RDH8: variants seen among roughly 807,000 people sequenced by gnomAD.
The protein encoded by RDH8 is retinol dehydrogenase 8.
In RDH8, 14 loss-of-function variants were observed where a neutral mutation model predicts 22.3. The ratio of observed to expected loss-of-function variants is 0.63; its 90% CI spans 0.42 to 0.98. The LOEUF is 0.98. Among genes scored for constraint, RDH8 ranks in the 50% least tolerant of loss-of-function variants. The pLI, the probability that RDH8 is intolerant of heterozygous loss-of-function variation, is 0.00. For missense variants in RDH8, 389 were observed against 409.8 expected (o/e 0.95, Z 0.44); for synonymous variants, 175 against 171.7 (o/e 1.02, Z -0.15).
rs759885173 is a variant in RDH8 at position 10,020,751 on chromosome 19, T to A, written c.485T>A (p.Leu162Gln). The A allele has an allele frequency of 2.5e-6, 4 of 1,611,582 alleles. No homozygotes were observed. Among genetic ancestry groups the A allele is most frequent in the Non-Finnish European group, 3.4e-6 (4 of 1,178,824 alleles). The part of the protein sequence containing the change: ...NDVYAASKFA[L>Q]EGFFESLAIQ... The stretch of plus-strand genomic sequence containing the variant: ...GTCTATGCAGCTTCCAAGTTCGCCC[T>A]GGAGGGATTCTTCGAAAGCCTCGCT... Residue 162 changes from leucine (L) to glutamine (Q), a missense_variant, in exon 4 of 6, where the codon CTG (leucine) becomes CAG (glutamine). By Grantham distance (113) the Leu-to-Gln change is moderately radical. Coordinates refer to ENST00000591589, the MANE Select transcript of RDH8 (RefSeq NM_015725.4).
At chr19:10,019,910 G>A (rs897791478) in intron 3 of RDH8, among the ~76,000 whole-genome samples, 9 of 152,272 alleles carry the variant, frequency 5.9e-5, no homozygotes, top group South Asian at 2.1e-4. Flanking sequence ...GGAGGCTGAG[G>A]CTGATGGATC....
At position 10,017,097 on chromosome 19, in the gene RDH8, G is replaced by A; in HGVS notation, c.144G>A (p.Leu48=). ...TMRDLGKKET[L]EAAAGEALGQ... ...GGGACCTGGGGAAGAAGGAGACACT[G>A]GAGGCAGCTGCTGGGGAGGCTCTGG... The change falls in exon 2 of 6, where the codon CTG becomes CTA. Residue 48 remains leucine, a synonymous_variant. Transcript: ENST00000591589. The A allele has an allele frequency of 6.2e-7, 1 of 1,601,746 alleles. No homozygotes were observed. Among genetic ancestry groups the A allele is most frequent in the Non-Finnish European group, 8.5e-7 (1 of 1,171,970 alleles).
intron 1 of RDH8, among the ~76,000 whole-genome samples, chr19:10,016,459 G>A (rs186831651): frequency 2.2e-4 from 32 of 145,308 alleles, no homozygotes; most frequent in Admixed American, 9.0e-4. Context: ...CAGGCCGCCC[G>A]GCCTTATTTT....
At position 10,021,913 on chromosome 19, in the gene RDH8, G is replaced by A; in HGVS notation, c.*164G>A. The A allele has an allele frequency of 1.3e-6, 1 of 743,812 alleles. No homozygotes were observed. Among genetic ancestry groups the A allele is most frequent in the African/African-American group, 1.8e-5 (1 of 56,504 alleles). The allele number at this position is 743,812 out of a possible 1,614,324, so 46.1% of individuals were successfully genotyped here. A position where few individuals can be genotyped will look rare whatever the true frequency, so the allele number is the denominator to read the frequency against. The stretch of plus-strand genomic sequence containing the variant: ...AATCCCAGAAGGGCCTTTATTTTCA[G>A]GCATAGACTCCTCTGTGGTCACAGC... On this transcript the variant is annotated 3_prime_UTR_variant, in exon 6 of 6. Coordinates refer to ENST00000591589, the MANE Select transcript of RDH8 (RefSeq NM_015725.4).
At chr19:10,015,361 A>G (rs1014926375) in intron 1 of RDH8, among the ~76,000 whole-genome samples, 2 of 151,674 alleles carry the variant, frequency 1.3e-5, no homozygotes, top group African/African-American at 4.8e-5. Flanking sequence ...GCTGAGGCAG[A>G]AGAATGGCGT....
rs780822165 is a variant in RDH8 at position 10,020,666 on chromosome 19, C to T, written c.443-43C>T. The T allele has an allele frequency of 5.8e-6, 8 of 1,379,394 alleles. No homozygotes were observed. In the Admixed American group the frequency reaches 1.3e-4, roughly 22 times the overall value. 85.4% of individuals were successfully genotyped at this position (1,379,394 alleles called of 1,614,324 possible). A position where few individuals can be genotyped will look rare whatever the true frequency, so the allele number is the denominator to read the frequency against. ...TCACCCTGGAACCCACAAAGCCCAC[C>T]TCCCAGACCCTCAAAGAGCTCTCCT... On this transcript the variant is annotated intron_variant, in intron 3 of 5. Transcript: ENST00000591589.
rs756555048 is a variant in RDH8 at position 10,021,528 on chromosome 19, C to G, written c.721-6C>G. On this transcript the variant is annotated splice_region_variant and splice_polypyrimidine_tract_variant and intron_variant, in intron 5 of 5. Coordinates refer to ENST00000591589, the MANE Select transcript of RDH8 (RefSeq NM_015725.4). ...GGTCCCAGCGCTCAGGGCCTCCATT[C>G]TGCAGGCCATTGTCAACGTCATCAG... 6.2e-7 allele frequency: 1 copy of G among 1,614,054 alleles called. No individual in the cohort carries two copies.
At chr19:10,015,468 A>C (rs2087605064) in intron 1 of RDH8, among the ~76,000 whole-genome samples, 1 of 151,998 alleles carries the variant, frequency 6.6e-6, no homozygotes, top group Admixed American at 6.6e-5. Flanking sequence ...ATAAATAAAT[A>C]AATATACAAA....
intron 2 of RDH8, 85 bp from the exon 3 acceptor site, chr19:10,018,645 CG>C (rs1448584214): frequency 1.8e-6 from 2 of 1,093,236 alleles, no homozygotes; most frequent in Non-Finnish European, 2.6e-6. Context: ...ACTTGGAGTA[CG>C]GGGTGAGGTG....
intron 4 of RDH8, 106 bp from the exon 5 acceptor site, chr19:10,021,148 TG>T (rs2087655080): frequency 2.8e-6 from 3 of 1,075,244 alleles, no homozygotes; most frequent in Non-Finnish European, 4.0e-6. Flanking sequence ...CACTCCAGCC[TG>T]GGCAACAGAG....
Position 10,021,540 on chromosome 19 carries a change from G to A in RDH8, c.727G>A (p.Val243Ile), listed in dbSNP as rs770472327. 2.5e-6 allele frequency: 4 copies of A among 1,614,116 alleles called. No homozygotes were observed. The East Asian group carries it at 8.9e-5, about 36-fold the overall frequency. The change falls in exon 6 of 6, where the codon GTC (valine) becomes ATC (isoleucine). Residue 243 changes from valine (V) to isoleucine (I), a missense_variant. Coordinates refer to ENST00000591589, the MANE Select transcript of RDH8 (RefSeq NM_015725.4). The stretch of plus-strand genomic sequence containing the variant: ...CAGGGCCTCCATTCTGCAGGCCATT[G>A]TCAACGTCATCAGCTCGACTCGACC... ...QNPQDVVQAI[V>I]NVISSTRPPL...
At chr19:10,021,189 A>T in intron 4 of RDH8, 66 bp from the exon 5 acceptor site, 1 of 1,501,412 alleles carries the variant, frequency 6.7e-7, no homozygotes, top group Non-Finnish European at 9.0e-7. Context: ...AAAAAAAAAA[A>T]ATGGACAAAA....
chr19:10,020,058 T>G (rs2087645965), intron 3 of RDH8, among the ~76,000 whole-genome samples: 1 of 151,864 alleles, frequency 6.6e-6, no homozygotes, highest in Non-Finnish European at 1.5e-5. Context: ...GGAGATTCAC[T>G]TGATCTCAGG....
At chr19:10,014,800 G>A (rs1438026633) in intron 1 of RDH8, among the ~76,000 whole-genome samples, 2 of 152,142 alleles carry the variant, frequency 1.3e-5, no homozygotes, top group African/African-American at 4.8e-5. Flanking sequence ...GCCTCCCAAA[G>A]TGCTGGGATT....
In RDH8 at chr19:10,021,420, C is replaced by A. The variant is rs1305064008; in HGVS notation, c.702C>A (p.Asn234Lys). 1.2e-6 allele frequency: 2 copies of A among 1,614,054 alleles called. No homozygotes were observed. The highest frequency in any genetic ancestry group is 1.7e-5 in the Admixed American group (1 of 59,984). Residue 234 changes from asparagine to lysine, a missense_variant, in exon 5 of 6, where the codon AAC (asparagine) becomes AAA (lysine). Coordinates refer to ENST00000591589, the MANE Select transcript of RDH8 (RefSeq NM_015725.4). ...AGCTGTTTTGCTCCGTGGGACAGAA[C>A]CCACAGGACGTGGTTCAGGTGAGTG... ...SRKLFCSVGQ[N>K]PQDVVQAIVN... is the part of the protein sequence containing the mutation.
rs2087586790 is a variant in RDH8, at chr19:10,013,608, G to A, written c.103+8G>A. 2 of 1,613,796 alleles carry A rather than the reference G, an allele frequency of 1.2e-6. No homozygotes were observed. The highest frequency in any genetic ancestry group is 1.7e-5 in the Admixed American group (1 of 60,000). On this transcript the variant is annotated splice_region_variant and intron_variant, in intron 1 of 5. Transcript: ENST00000591589. ...CCAAGAAGCGCTACCAGGGTAAGAA[G>A]TGCAGGGTGGCACTAGGAGGCAGCC...
chr19:10,016,668 C>T (rs1280149081), intron 1 of RDH8, among the ~76,000 whole-genome samples: 5 of 151,510 alleles, frequency 3.3e-5, no homozygotes, highest in East Asian at 1.9e-4. Flanking sequence ...GATGGGATCT[C>T]GCTATACTTC....
In RDH8 at chr19:10,022,090, G is replaced by A. The variant is rs768801013; in HGVS notation, c.*341G>A. ...GACAGACTCTGCTACATTCAACCTC[G>A]TGACTTCATGATCCTGGGCCTGAGA... On this transcript the variant is annotated 3_prime_UTR_variant, in exon 6 of 6. Transcript: ENST00000591589. The A allele has an allele frequency of 4.5e-5, 13 of 286,122 alleles. No individual in the cohort carries two copies. Among genetic ancestry groups the A allele is most frequent in the South Asian group, 2.7e-4 (6 of 21,858 alleles). The allele number at this position is 286,122 out of a possible 1,614,324, so 17.7% of individuals were successfully genotyped here. A position where few individuals can be genotyped will look rare whatever the true frequency, so the allele number is the denominator to read the frequency against.
chr19:10,014,127 CT>C (rs750284950), intron 1 of RDH8, among the ~76,000 whole-genome samples: 3 of 152,168 alleles, frequency 2.0e-5, no homozygotes, highest in Non-Finnish European at 4.4e-5. Flanking sequence ...AGAACTTGCC[CT>C]TCTGCACCTC....
Sources: allele counts gnomAD v4.1 joint callset (sites outside exome capture counted in the v4.1 genomes callset), GRCh38; gene constraint gnomAD v4.1.1; transcripts MANE v1.5; gene names NCBI Gene and HGNC (gene_info 2026-07-23, HGNC 2026-07-21).